The following HEXA variants were observed in gnomAD, a reference collection of about 807,000 sequenced individuals.
HEXA encodes beta-hexosaminidase subunit alpha.
Under a neutral mutation model 73.3 loss-of-function variants are expected in HEXA, and 54 were observed. That is an observed-to-expected ratio of 0.74 (90% CI 0.59 to 0.92). HEXA has a LOEUF of 0.92. Among genes scored for constraint, HEXA ranks in the 40% least tolerant of loss-of-function variants. The pLI is 0.00. For missense variants in HEXA, 649 were observed against 653.0 expected (o/e 0.99, Z 0.07); for synonymous variants, 230 against 246.9 (o/e 0.93, Z 0.64).
At chr15:72,372,014 T>C (rs1302445783) in intron 1 of HEXA, among the ~76,000 whole-genome samples, 1 of 152,234 alleles carries the variant, frequency 6.6e-6, no homozygotes, top group East Asian at 1.9e-4. Context: ...ATCTATGATA[T>C]ACTATGGCTT....
chr15:72,348,175 C>G, intron 8 of HEXA, 41 bp from the exon 9 acceptor site: 1 of 1,405,608 alleles, frequency 7.1e-7, no homozygotes, highest in Non-Finnish European at 1.0e-6. Flanking sequence ...TTTCAACATC[C>G]TGAAAGCCTA....
chr15:72,345,342 TGTAA>T (rs2088595799), intron 13 of HEXA, 100 bp downstream of exon 13: 1 of 1,558,036 alleles, frequency 6.4e-7, no homozygotes, highest in Middle Eastern at 1.7e-4. Context: ...TATAAGCCTC[TGTAA>T]GTGTTAGCTA....
chr15:72,346,551 T>C lies in HEXA; in HGVS notation c.1306A>G (p.Ile436Val), dbSNP rs1800431. The C allele has an allele frequency of 0.98, 1,579,091 of 1,613,876 alleles. 778,194 individuals are homozygous for C. Among genetic ancestry groups the C allele is most frequent in the East Asian group, 1 (44,852 of 44,860 alleles). ...SYGPDWKDFY[I>V]VEPLAFEGTP... ...CCTTCAAATGCCAGGGGTTCCACTATGTAGAAATCCTTCCAGTCAGGGCCA... is the reference window on the plus strand; with the variant it reads ...CCTTCAAATGCCAGGGGTTCCACTACGTAGAAATCCTTCCAGTCAGGGCCA... The change falls in exon 11 of 14, where the codon ATA (isoleucine) becomes GTA (valine). Residue 436 changes from isoleucine to valine, a missense_variant. Ile to Val is a conservative substitution (Grantham distance 29, BLOSUM62 3). Transcript: ENST00000268097.
At chr15:72,360,168 A>G (rs1359264594) in intron 1 of HEXA, 2 of 153,208 alleles carry the variant, frequency 1.3e-5, no homozygotes, top group African/African-American at 4.8e-5. Context: ...GATCAATCTA[A>G]CATCTGCCTG....
At chr15:72,357,133 T>G (rs374920854) in intron 1 of HEXA, 4 of 247,324 alleles carry the variant, frequency 1.6e-5, no homozygotes, top group Non-Finnish European at 3.2e-5. Flanking sequence ...AAGAGATCAG[T>G]CTTACATTCT....
rs1327031567 is a variant in HEXA at position 72,344,110 on chromosome 15, T to C, written c.1557A>G (p.Val519=). 1.9e-6 allele frequency: 3 copies of C among 1,613,712 alleles called. No individual in the cohort carries two copies. The African/African-American group carries it at 4.0e-5, about 22-fold the overall frequency. The change falls in exon 14 of 14, where the codon GTA becomes GTG. Residue 519 remains valine (V), a synonymous_variant. Transcript: ENST00000268097. ...GTTCAAACTCCTGCTCACAGAAGCC[T>C]ACATTGAGGGGTTGGGCCTGGACAC... The part of the protein sequence containing the change: ...RRGVQAQPLN[V]GFCEQEFEQT
At position 72,353,127 on chromosome 15, in the gene HEXA, C is replaced by G; in HGVS notation, c.511G>C (p.Gly171Arg). The change falls in exon 5 of 14, where the codon GGC becomes CGC. Residue 171 changes from glycine (G) to arginine (R), a missense_variant. Physicochemically the swap from Gly to Arg is moderately radical, Grantham distance 125. Coordinates refer to ENST00000268097, the MANE Select transcript of HEXA (RefSeq NM_000520.6). The part of the protein sequence containing the change: ...IEDFPRFPHR[G>R]LLLDTSRHYL... ...TGGCGAGATGTATCCAACAGCAAGC[C>G]CCGGTGAGGAAAGCGGGGAAAGTCC... 6.2e-7 allele frequency: 1 copy of G among 1,613,828 alleles called. No individual in the cohort carries two copies. The highest frequency in any genetic ancestry group is 8.5e-7 in the Non-Finnish European group (1 of 1,179,790).
chr15:72,366,222 T>C (rs1473101166), intron 1 of HEXA, among the ~76,000 whole-genome samples: 2 of 152,192 alleles, frequency 1.3e-5, no homozygotes, highest in African/African-American at 4.8e-5. Context: ...AACACCTTTC[T>C]TCTGTGGTTC....
intron 1 of HEXA, among the ~76,000 whole-genome samples, chr15:72,364,108 A>G (rs866682797): frequency 1.3e-5 from 2 of 151,988 alleles, no homozygotes; most frequent in South Asian, 2.1e-4. Flanking sequence ...TGTCTCTACT[A>G]AAAATACAAA....
rs183010381 is a variant in HEXA at position 72,354,311 on chromosome 15, C to T, written c.413-574G>A. 9 of 157,878 alleles carry T rather than the reference C, an allele frequency of 5.7e-5. No homozygotes were observed. The East Asian group carries it at 1.5e-3, about 26-fold the overall frequency. 9.8% of individuals were successfully genotyped at this position (157,878 alleles called of 1,614,324 possible). ...CTATAGGGAGCTGAGGTGTGGTGGA[C>T]AGCAACTGCCCCAGAAGGACTCCCC... On this transcript the variant is annotated intron_variant, in intron 3 of 13. Coordinates refer to ENST00000268097, the MANE Select transcript of HEXA (RefSeq NM_000520.6).
At chr15:72,367,961 C>T (rs1439981403) in intron 1 of HEXA, among the ~76,000 whole-genome samples, 1 of 138,610 alleles carries the variant, frequency 7.2e-6, no homozygotes, top group Non-Finnish European at 1.6e-5. Context: ...GTACCTTGTG[C>T]TTCAGTTATC....
Position 72,350,068 on chromosome 15 carries a change from T to G in HEXA, c.805+450A>C, listed in dbSNP as rs193016337. On this transcript the variant is annotated intron_variant, in intron 7 of 13. Transcript: ENST00000268097. Reference sequence around the variant, plus strand: ...CATGAGCCACCACGCCCGGCCAATATCTTCAGTTTTCTATCAGGCCAGTAG... The same window carrying G: ...CATGAGCCACCACGCCCGGCCAATAGCTTCAGTTTTCTATCAGGCCAGTAG... Among the ~76,000 whole-genome samples the G allele has an allele frequency of 1.3e-3, 196 of 152,264 alleles. 3 individuals are homozygous for G. The highest frequency in any genetic ancestry group is 2.3e-3 in the Non-Finnish European group (159 of 68,022).
chr15:72,344,086 T>C lies in HEXA; in HGVS notation c.1581A>G (p.Glu527=). 6.2e-7 allele frequency: 1 copy of C among 1,613,768 alleles called. No homozygotes were observed. Among genetic ancestry groups the C allele is most frequent in the East Asian group, 2.2e-5 (1 of 44,856 alleles). The stretch of plus-strand genomic sequence containing the variant: ...CCTCGGTGCCTGGGGCTCAGGTCTG[T>C]TCAAACTCCTGCTCACAGAAGCCTA... ...LNVGFCEQEF[E]QT is the part of the protein sequence containing the mutation. Residue 527 remains glutamate, a synonymous_variant, in exon 14 of 14, where the codon GAA becomes GAG. Coordinates refer to ENST00000268097, the MANE Select transcript of HEXA (RefSeq NM_000520.6).
At chr15:72,359,693 C>CCAA (rs2088827872) in intron 1 of HEXA, 1 of 17,560 alleles carries the variant, frequency 5.7e-5, no homozygotes. Flanking sequence ...GAAACTGTCT[C>CCAA]AAAAAAAAAA....
chr15:72,362,956 A>T (rs1203635951), intron 1 of HEXA, among the ~76,000 whole-genome samples: 1 of 152,174 alleles, frequency 6.6e-6, no homozygotes, highest in Non-Finnish European at 1.5e-5. Flanking sequence ...ATTGAAAACT[A>T]AGAAAGGCAA....
At chr15:72,345,341 C>T in intron 13 of HEXA, 105 bp downstream of exon 13, 1 of 1,556,266 alleles carries the variant, frequency 6.4e-7, no homozygotes, top group Non-Finnish European at 8.7e-7. Context: ...CTATAAGCCT[C>T]TGTAAGTGTT....
At chr15:72,362,504 T>C (rs1162106960) in intron 1 of HEXA, 4 of 455,650 alleles carry the variant, frequency 8.8e-6, no homozygotes, top group Non-Finnish European at 1.8e-5. Flanking sequence ...AAAAAATGCA[T>C]ATTTTATGAT....
chr15:72,344,005 G>C lies in HEXA; in HGVS notation c.*72C>G. On this transcript the variant is annotated 3_prime_UTR_variant, in exon 14 of 14. Transcript: ENST00000268097. ...ACGAAGGCAAGGGGCTCCGTCCCCTGGCCAGGATGCAGTGGAAGCCTGGCT... is the reference window on the plus strand; with the variant it reads ...ACGAAGGCAAGGGGCTCCGTCCCCTCGCCAGGATGCAGTGGAAGCCTGGCT... 1 of 1,322,678 alleles carries C rather than the reference G, an allele frequency of 7.6e-7. No individual in the cohort carries two copies. Among genetic ancestry groups the C allele is most frequent in the African/African-American group, 1.4e-5 (1 of 69,256 alleles). The allele number at this position is 1,322,678 out of a possible 1,614,324, so 81.9% of individuals were successfully genotyped here. A position where few individuals can be genotyped will look rare whatever the true frequency, so the allele number is the denominator to read the frequency against.
chr15:72,362,399 G>A (rs1017835014), intron 1 of HEXA: 1 of 454,824 alleles, frequency 2.2e-6, no homozygotes, highest in Non-Finnish European at 4.4e-6. Flanking sequence ...TCCTCAACAG[G>A]AGGGACCAAT....
Sources: gnomAD v4.1 joint callset for allele counts (sites outside exome capture counted in the v4.1 genomes callset) on GRCh38, gnomAD v4.1.1 for gene constraint, MANE v1.5 for transcripts, NCBI Gene and HGNC (gene_info 2026-07-23, HGNC 2026-07-21) for gene names.